The following RHPN1 variants were observed in gnomAD, a reference collection of about 807,000 sequenced individuals.
The protein encoded by RHPN1 is rhophilin Rho GTPase binding protein 1, also known as rhophilin-1.
A neutral mutation model predicts 74.7 loss-of-function variants in RHPN1; 77 were observed. That is an observed-to-expected ratio of 1.03 (90% CI 0.86 to 1.25). RHPN1 has a LOEUF of 1.25. Ranked by LOEUF, RHPN1 falls within the 50% of genes most tolerant of loss-of-function variation. The pLI is 0.00. For synonymous variants in RHPN1, 444 were observed against 414.5 expected (o/e 1.07, Z -0.87); for missense variants, 987 against 932.2 (o/e 1.06, Z -0.77).
At chr8:143,377,059 TGC>T (rs534951358) in intron 3 of RHPN1, among the ~76,000 whole-genome samples, 18 of 25,222 alleles carry the variant, frequency 7.1e-4, no homozygotes, top group Non-Finnish European at 2.1e-3. Flanking sequence ...TGTCTGTGTG[TGC>T]GCGTGTGTGT....
chr8:143,375,705 C>A, intron 2 of RHPN1, 37 bp downstream of exon 2: 2 of 1,508,816 alleles, frequency 1.3e-6, no homozygotes, highest in Non-Finnish European at 1.8e-6. Flanking sequence ...GGGAGCAGGG[C>A]CCACCTGGGT....
At position 143,379,457 on chromosome 8, in the gene RHPN1, G is replaced by A. The variant is rs1278994902; in HGVS notation, c.894G>A (p.Met298Ile). ...AGGGCCTCTCACCACCTGCCTCCATGGCCCCCCAAGACTGCCTGGCCCAGC... is the reference window on the plus strand; with the variant it reads ...AGGGCCTCTCACCACCTGCCTCCATAGCCCCCCAAGACTGCCTGGCCCAGC... ...VFEGLSPPASMAPQDCLAQLR... is the reference protein window; with the variant it reads ...VFEGLSPPASIAPQDCLAQLR... Residue 298 changes from methionine to isoleucine, a missense_variant, in exon 8 of 15, where the codon ATG (methionine) becomes ATA (isoleucine). Transcript: ENST00000289013. 8 of 1,571,612 alleles carry A rather than the reference G, an allele frequency of 5.1e-6. No homozygotes were observed. The highest frequency in any genetic ancestry group is 6.0e-6 in the Non-Finnish European group (7 of 1,159,062).
chr8:143,375,764 T>A (rs887199706), intron 2 of RHPN1, 96 bp downstream of exon 2: 73 of 883,662 alleles, frequency 8.3e-5, no homozygotes, highest in Non-Finnish European at 1.1e-4. Context: ...CATGGCCGGG[T>A]CACAGAGACA....
intron 13 of RHPN1, 34 bp from the exon 14 acceptor site, chr8:143,381,773 C>G: frequency 6.2e-7 from 1 of 1,606,612 alleles, no homozygotes; most frequent in South Asian, 1.1e-5. Flanking sequence ...CCAGGGTGTC[C>G]TGTCCCCACC....
rs1416556321 is a variant in RHPN1 at position 143,373,547 on chromosome 8, G to A, written c.61-2006G>A. On this transcript the variant is annotated intron_variant, in intron 1 of 14. Coordinates refer to ENST00000289013, the MANE Select transcript of RHPN1 (RefSeq NM_052924.3). The stretch of plus-strand genomic sequence containing the variant: ...GGGGATGGTGTGGGTTCCAGGGGAC[G>A]GGGCGGGGATTTGGGGGATGGCGTG... Among the ~76,000 whole-genome samples, 70 of 52,190 alleles carry A rather than the reference G, an allele frequency of 1.3e-3. 5 individuals carry two copies. In the African/African-American group the frequency reaches 0.014, roughly 11 times the overall value. The allele number at this position is 52,190 out of a possible 152,430, so 34.2% of individuals were successfully genotyped here.
At chr8:143,375,811 A>G (rs963255177) in intron 2 of RHPN1, 143 bp downstream of exon 2, 26 of 612,420 alleles carry the variant, frequency 4.2e-5, no homozygotes, top group African/African-American at 1.9e-5. Context: ...GGCACGTAGT[A>G]CACGTGATGC....
chr8:143,376,546 G>A lies in RHPN1; in HGVS notation c.198G>A (p.Val66=). ...NLYRATSNNR[V]RETVALELSY... Reference sequence around the variant, plus strand: ...TCAGAGCCACCAGCAACAACCGGGTGAGAGAGACGGTCGCCCTGGAGCTGA... The same window carrying A: ...TCAGAGCCACCAGCAACAACCGGGTAAGAGAGACGGTCGCCCTGGAGCTGA... Residue 66 remains valine (V), a synonymous_variant, in exon 3 of 15, where the codon GTG becomes GTA. Transcript: ENST00000289013. 6.2e-7 allele frequency: 1 copy of A among 1,612,382 alleles called. No individual in the cohort carries two copies. The highest frequency in any genetic ancestry group is 8.5e-7 in the Non-Finnish European group (1 of 1,179,570).
At chr8:143,381,476 T>A (rs772030051) in intron 12 of RHPN1, 96 bp from the exon 13 acceptor site, 71 of 1,483,710 alleles carry the variant, frequency 4.8e-5, no homozygotes, top group Non-Finnish European at 6.3e-5. Flanking sequence ...AACCCCACGG[T>A]GTCCCTCGGT....
At chr8:143,381,763 C>T in intron 13 of RHPN1, 44 bp from the exon 14 acceptor site, 1 of 1,605,564 alleles carries the variant, frequency 6.2e-7, no homozygotes, top group Non-Finnish European at 8.5e-7. Flanking sequence ...TTGGTGCCAG[C>T]CAGGGTGTCC....
intron 1 of RHPN1, among the ~76,000 whole-genome samples, chr8:143,370,830 A>C (rs1244901938): frequency 1.1e-4 from 16 of 152,214 alleles, no homozygotes. Flanking sequence ...GACCACAAGG[A>C]ATACAGCCTG....
Position 143,380,682 on chromosome 8 carries a change from G to C in RHPN1, c.1310G>C (p.Arg437Pro), listed in dbSNP as rs769635387. 2.5e-6 allele frequency: 4 copies of C among 1,580,792 alleles called. No homozygotes were observed. The highest frequency in any genetic ancestry group is 2.7e-5 in the African/African-American group (2 of 74,212). ...CRVLREVDLL[R>P]AVISQTLQRS... ...GTCCTGCGCGAGGTGGACCTGCTTC[G>C]GGCTGTGATCTCCCAGACGCTGCAG... The change falls in exon 11 of 15, where the codon CGG becomes CCG. Residue 437 changes from arginine (R) to proline (P), a missense_variant. Coordinates refer to ENST00000289013, the MANE Select transcript of RHPN1 (RefSeq NM_052924.3).
Position 143,380,003 on chromosome 8 carries a change from T to C in RHPN1, c.1102+18T>C. ...CGGCTCCCGTGAGTGCCCACCACAC[T>C]TGCCCATGGTACTGCCAAGGCCCCC... On this transcript the variant is annotated intron_variant, in intron 9 of 14. Coordinates refer to ENST00000289013, the MANE Select transcript of RHPN1 (RefSeq NM_052924.3). 1.3e-6 allele frequency: 2 copies of C among 1,553,110 alleles called. No homozygotes were observed. The highest frequency in any genetic ancestry group is 2.4e-5 in the South Asian group (2 of 84,256).
chr8:143,372,133 GAC>G (rs1817865935), intron 1 of RHPN1, among the ~76,000 whole-genome samples: 1 of 152,208 alleles, frequency 6.6e-6, no homozygotes, highest in Admixed American at 6.5e-5. Flanking sequence ...GGGGAGCAGG[GAC>G]CTGGCTGGGT....
chr8:143,368,748 A>C (rs1817632105), upstream of RHPN1: 1 of 301,618 alleles, frequency 3.3e-6, no homozygotes, highest in African/African-American at 2.2e-5. Flanking sequence ...TGGCTGATAT[A>C]GCTGTCCGTC....
chr8:143,380,607 G>A lies in RHPN1; in HGVS notation c.1235G>A (p.Arg412His), dbSNP rs746550164. The change falls in exon 11 of 15, where the codon CGT becomes CAT. Residue 412 changes from arginine to histidine, a missense_variant. Physicochemically the swap from Arg to His is conservative, Grantham distance 29. Coordinates refer to ENST00000289013, the MANE Select transcript of RHPN1 (RefSeq NM_052924.3). ...RRQLGKAHLK[R>H]AILGQEEALR... Reference sequence around the variant, plus strand: ...CGTGCAGGCAAGGCACACCTGAAGCGTGCCATCCTGGGGCAGGAGGAGGCG... The same window carrying A: ...CGTGCAGGCAAGGCACACCTGAAGCATGCCATCCTGGGGCAGGAGGAGGCG... 44 of 1,535,464 alleles carry A rather than the reference G, an allele frequency of 2.9e-5. No individual in the cohort carries two copies. In the South Asian group the frequency reaches 3.9e-4, roughly 14 times the overall value.
At position 143,376,648 on chromosome 8, in the gene RHPN1, T is replaced by G. The variant is rs1216443701; in HGVS notation, c.300T>G (p.His100Gln). The change falls in exon 3 of 15, where the codon CAT becomes CAG. Residue 100 changes from histidine (H) to glutamine (Q), a missense_variant. His to Gln is a conservative substitution (Grantham distance 24). Transcript: ENST00000289013. ...GCGGTGGCGTGGACCCTGGCCGGCA[T>G]GGGAGGTGCGGGTGGGGGCCGGGAC... ...ELSGGVDPGRHGSEAVTVPMI... is the reference protein window; with the variant it reads ...ELSGGVDPGRQGSEAVTVPMI... 6.4e-7 allele frequency: 1 copy of G among 1,567,050 alleles called. No homozygotes were observed. Among genetic ancestry groups the G allele is most frequent in the Non-Finnish European group, 8.6e-7 (1 of 1,156,338 alleles).
intron 10 of RHPN1, 34 bp downstream of exon 10, chr8:143,380,209 C>T (rs751653175): frequency 2.1e-6 from 3 of 1,406,778 alleles, no homozygotes; most frequent in Admixed American, 2.3e-5. Flanking sequence ...CCCTGGGGCT[C>T]AGATGGTCAC....
chr8:143,369,294 T>TG (rs1434202507), intron 1 of RHPN1, among the ~76,000 whole-genome samples: 1 of 152,102 alleles, frequency 6.6e-6, no homozygotes, highest in Non-Finnish European at 1.5e-5. Flanking sequence ...TGAAGCGGGT[T>TG]GGGGGGACGC....
At position 143,376,510 on chromosome 8, in the gene RHPN1, C is replaced by G; in HGVS notation, c.177-15C>G. Reference sequence around the variant, plus strand: ...GCCTTGGGGCTGGGCTTTCAACTGCCGCGGCCTCCCTCAGAGCCACCAGCA... The same window carrying G: ...GCCTTGGGGCTGGGCTTTCAACTGCGGCGGCCTCCCTCAGAGCCACCAGCA... On this transcript the variant is annotated splice_polypyrimidine_tract_variant and intron_variant, in intron 2 of 14. Coordinates refer to ENST00000289013, the MANE Select transcript of RHPN1 (RefSeq NM_052924.3). 1.2e-6 allele frequency: 2 copies of G among 1,611,268 alleles called. No homozygotes were observed.
Sources: gnomAD v4.1 joint callset for allele counts (sites outside exome capture counted in the v4.1 genomes callset) on GRCh38, gnomAD v4.1.1 for gene constraint, MANE v1.5 for transcripts, NCBI Gene and HGNC (gene_info 2026-07-23, HGNC 2026-07-21) for gene names.